The following RBFOX1 variants were observed in gnomAD, a reference collection of about 807,000 sequenced individuals.
The protein encoded by RBFOX1 is RNA binding fox-1 homolog 1.
In RBFOX1, 8 loss-of-function variants were observed where a neutral mutation model predicts 57.7. The ratio of observed to expected loss-of-function variants is 0.14; its 90% CI spans 0.08 to 0.25. RBFOX1 has a LOEUF of 0.25. RBFOX1 is among the 10% of genes least tolerant of loss of function. RBFOX1 has a pLI of 1.00. For missense variants in RBFOX1, 611 were observed against 548.5 expected, an observed-to-expected ratio of 1.11 and a Z score of -1.14; for synonymous variants, 326 against 222.4, an observed-to-expected ratio of 1.47 and a Z score of -4.15.
At chr16:6,418,865 G>T (rs72760920) in intron 2 of RBFOX1, among the ~76,000 whole-genome samples, 5,457 of 152,148 alleles carry the variant, frequency 0.036, 139 homozygotes, top group Middle Eastern at 0.071. Context: ...CTTCACTGGG[G>T]CTTTCTCCCT....
chr16:7,412,817 C>G (rs538705267), intron 4 of RBFOX1, among the ~76,000 whole-genome samples: 1 of 152,096 alleles, frequency 6.6e-6, no homozygotes, highest in African/African-American at 2.4e-5. Flanking sequence ...CCGAGGCAGG[C>G]GGACTGCGAG....
chr16:7,237,054 T>A (rs1235871011), intron 4 of RBFOX1, among the ~76,000 whole-genome samples: 1 of 152,150 alleles, frequency 6.6e-6, no homozygotes, highest in Non-Finnish European at 1.5e-5. Flanking sequence ...AGAGAGGAAT[T>A]CAGGAGAGGT....
chr16:6,001,552 G>C (rs951334544), intron 4 of RBFOX1, among the ~76,000 whole-genome samples: 1 of 152,050 alleles, frequency 6.6e-6, no homozygotes, highest in African/African-American at 2.4e-5. Flanking sequence ...ATGTTTTCCC[G>C]AGATAAGTGC....
chr16:5,260,300 C>T (rs1283248267), intron 1 of RBFOX1, among the ~76,000 whole-genome samples: 1 of 152,176 alleles, frequency 6.6e-6, no homozygotes, highest in East Asian at 1.9e-4. Context: ...AGAGAAATCA[C>T]CCCAAATCTC....
At chr16:7,539,440 G>C (rs2082327478) in intron 5 of RBFOX1, among the ~76,000 whole-genome samples, 1 of 152,170 alleles carries the variant, frequency 6.6e-6, no homozygotes, top group African/African-American at 2.4e-5. Context: ...GTCTCTTCTT[G>C]TAGGTGGAAC....
Position 5,692,199 on chromosome 16 carries a change from GTGTGTGTGTGTGTGTT to G in RBFOX1, c.318+93244_318+93259del, listed in dbSNP as rs1397138480. Among the ~76,000 whole-genome samples, 28 of 141,948 alleles carry G rather than the reference GTGTGTGTGTGTGTGTT, an allele frequency of 2.0e-4. 1 individual carries two copies. The highest frequency in any genetic ancestry group is 7.8e-4 in the African/African-American group (28 of 35,686). 93.1% of individuals were successfully genotyped at this position (141,948 alleles called of 152,430 possible). A position where few individuals can be genotyped will look rare whatever the true frequency, so the allele number is the denominator to read the frequency against. ...TGTGTGTGTGTGTGTGTGTGTGTGT[GTGTGTGTGTGTGTGTT>G]TGTGTTTCACTGCTAGCAGATGCAC... On this transcript the variant is annotated intron_variant, in intron 3 of 19. Coordinates refer to the RBFOX1 transcript ENST00000641259.
At chr16:6,010,543 C>A (rs1160253825) in intron 4 of RBFOX1, among the ~76,000 whole-genome samples, 1 of 152,234 alleles carries the variant, frequency 6.6e-6, no homozygotes, top group Non-Finnish European at 1.5e-5. Context: ...CCCCAGTTCA[C>A]TACTGACATT....
chr16:6,924,247 A>T (rs1008017791), intron 3 of RBFOX1, among the ~76,000 whole-genome samples: 4 of 152,012 alleles, frequency 2.6e-5, no homozygotes, highest in African/African-American at 9.7e-5. Context: ...GGTTTATTTG[A>T]CTCACAGTTC....
chr16:5,401,483 C>T (rs1023984394), intron 1 of RBFOX1, among the ~76,000 whole-genome samples: 1 of 152,258 alleles, frequency 6.6e-6, no homozygotes, highest in South Asian at 2.1e-4. Context: ...TGGGGCCCCT[C>T]CTCCTGCCGT....
intron 4 of RBFOX1, among the ~76,000 whole-genome samples, chr16:7,468,761 C>G (rs1309460059): frequency 6.6e-6 from 1 of 152,076 alleles, no homozygotes; most frequent in African/African-American, 2.4e-5. Context: ...AGGAGATTGT[C>G]TGGCTCCTCA....
At chr16:7,111,405 C>G (rs74011045) in intron 4 of RBFOX1, among the ~76,000 whole-genome samples, 1,617 of 152,270 alleles carry the variant, frequency 0.011, 24 homozygotes, top group African/African-American at 0.036. Flanking sequence ...TTTTATTATA[C>G]TGTATGAATT....
chr16:7,123,590 C>T (rs1480706889), intron 4 of RBFOX1, among the ~76,000 whole-genome samples: 1 of 152,054 alleles, frequency 6.6e-6, no homozygotes, highest in South Asian at 2.1e-4. Context: ...GTCTCAAATT[C>T]CTGGCCTCAA....
At chr16:6,003,816 G>T (rs897696012) in intron 4 of RBFOX1, among the ~76,000 whole-genome samples, 1 of 152,200 alleles carries the variant, frequency 6.6e-6, no homozygotes, top group African/African-American at 2.4e-5. Context: ...AGTGAGGAGG[G>T]TCTGTGCCCC....
Position 7,501,383 on chromosome 16 carries a change from G to A in RBFOX1, c.28-16764G>A, listed in dbSNP as rs60021215. On this transcript the variant is annotated intron_variant, in intron 4 of 15. Coordinates refer to ENST00000550418, the MANE Select transcript of RBFOX1 (RefSeq NM_018723.4). ...GGAATGCATAAGACAGCTTTATCTT[G>A]GCATGTATCATTGTTGCATTTACTC... is the stretch of plus-strand genomic sequence containing the variant. 4.7e-3 allele frequency among the ~76,000 whole-genome samples: 720 copies of A among 152,188 alleles called. 7 individuals carry two copies. Among genetic ancestry groups the A allele is most frequent in the African/African-American group, 0.017 (690 of 41,518 alleles).
At position 6,932,730 on chromosome 16, in the gene RBFOX1, G is replaced by A. The variant is rs191297507; in HGVS notation, c.-15-119327G>A. On this transcript the variant is annotated intron_variant, in intron 3 of 15. Coordinates refer to ENST00000550418, the MANE Select transcript of RBFOX1 (RefSeq NM_018723.4). ...CTCTTTCTGTTAAATTTGTTTTTGA[G>A]TTGTGTGAAATAAATACAATGTAAA... Among the ~76,000 whole-genome samples, 459 of 152,250 alleles carry A rather than the reference G, an allele frequency of 3.0e-3. 2 individuals are homozygous for A. The highest frequency in any genetic ancestry group is 5.9e-3 in the Admixed American group (90 of 15,300).
chr16:6,351,441 T>A (rs1439226004), intron 2 of RBFOX1, among the ~76,000 whole-genome samples: 1 of 147,928 alleles, frequency 6.8e-6, no homozygotes, highest in East Asian at 2.0e-4. Context: ...TGGCATGATG[T>A]CGGCTCACTG....
At chr16:6,290,132 G>C (rs1020296227) in intron 1 of RBFOX1, among the ~76,000 whole-genome samples, 1 of 150,036 alleles carries the variant, frequency 6.7e-6, no homozygotes, top group Non-Finnish European at 1.5e-5. Flanking sequence ...GTTGTATTTA[G>C]AAACTACCTT....
At chr16:7,146,517 T>C (rs905236226) in intron 4 of RBFOX1, among the ~76,000 whole-genome samples, 2 of 152,188 alleles carry the variant, frequency 1.3e-5, no homozygotes, top group South Asian at 4.1e-4. Context: ...CTAGGATGCA[T>C]AGGCCATCAG....
At chr16:5,307,289 G>A (rs922929048) in intron 1 of RBFOX1, among the ~76,000 whole-genome samples, 1 of 152,166 alleles carries the variant, frequency 6.6e-6, no homozygotes, top group Non-Finnish European at 1.5e-5. Flanking sequence ...GCACTCAGGT[G>A]TGCAAACCTG....
Sources: allele counts gnomAD v4.1 joint callset (sites outside exome capture counted in the v4.1 genomes callset), GRCh38; gene constraint gnomAD v4.1.1; transcripts MANE v1.5; gene names NCBI Gene and HGNC (gene_info 2026-07-23, HGNC 2026-07-21).